Variants in MYBL1 observed in about 807,000 individuals in gnomAD.
The protein encoded by MYBL1 is MYB proto-oncogene like 1.
MYBL1 carries 17 observed loss-of-function variants against 96.3 expected under a neutral mutation model. The ratio of observed to expected loss-of-function variants is 0.18; its 90% CI spans 0.12 to 0.26. The LOEUF (loss-of-function observed/expected upper bound fraction) is 0.26, where lower values mean the gene tolerates loss of function less well. Ranked by LOEUF, MYBL1 falls within the 10% of genes least tolerant of loss-of-function variation. MYBL1 has a pLI of 1.00. For synonymous variants in MYBL1, 282 were observed against 292.7 expected (o/e 0.96, Z 0.37); for missense variants, 701 against 882.9 (o/e 0.79, Z 2.61).
chr8:66,573,336 C>CT, intron 11 of MYBL1, 28 bp downstream of exon 11: 1 of 1,575,810 alleles, frequency 6.3e-7, no homozygotes, highest in Non-Finnish European at 8.6e-7. Flanking sequence ...CCCATTTTCT[C>CT]TAACACAATT....
In MYBL1 at chr8:66,563,612, T is replaced by C. The variant is rs1586542119; in HGVS notation, c.*1085A>G. ...TGCAGACTGTTTTTAGGGACCAAGG[T>C]ACCATATTATTTTTTAAACAAAATG... On this transcript the variant is annotated 3_prime_UTR_variant, in exon 16 of 16. Transcript: ENST00000522677. 2.0e-5 allele frequency: 3 copies of C among 152,590 alleles called. No individual in the cohort carries two copies. The highest frequency in any genetic ancestry group is 3.9e-4 in the East Asian group (2 of 5,194). The allele number at this position is 152,590 out of a possible 1,614,324, so 9.5% of individuals were successfully genotyped here.
At position 66,569,726 on chromosome 8, in the gene MYBL1, A is replaced by G. The variant is rs371420187; in HGVS notation, c.1729-2734T>C. Reference sequence around the variant, plus strand: ...CTCCCTTTAAGAATACAAATGTCCTAGAATAGGGCTAAGACAGATTAATTC... The same window carrying G: ...CTCCCTTTAAGAATACAAATGTCCTGGAATAGGGCTAAGACAGATTAATTC... On this transcript the variant is annotated intron_variant, in intron 12 of 15. Coordinates refer to ENST00000522677, the MANE Select transcript of MYBL1 (RefSeq NM_001080416.4). Among the ~76,000 whole-genome samples the G allele has an allele frequency of 2.6e-4, 39 of 152,324 alleles. No homozygotes were observed. The East Asian group carries it at 7.1e-3, about 28-fold the overall frequency.
At chr8:66,599,465 A>C (rs1345938827) in intron 3 of MYBL1, among the ~76,000 whole-genome samples, 1 of 152,222 alleles carries the variant, frequency 6.6e-6, no homozygotes, top group Non-Finnish European at 1.5e-5. Context: ...AACACTGAGG[A>C]ATAAAAAGCA....
chr8:66,598,820 G>A (rs889778668), intron 4 of MYBL1, among the ~76,000 whole-genome samples: 1 of 152,120 alleles, frequency 6.6e-6, no homozygotes, highest in African/African-American at 2.4e-5. Flanking sequence ...TTTTCCTTCT[G>A]CAAACCAAAC....
intron 6 of MYBL1, among the ~76,000 whole-genome samples, chr8:66,594,558 C>T (rs111851198): frequency 0.021 from 3,172 of 151,862 alleles, 71 homozygotes; most frequent in South Asian, 0.047. Flanking sequence ...TATCTTTCTA[C>T]GAGTTAAAAA....
chr8:66,611,182 C>T (rs1484729260), intron 1 of MYBL1, among the ~76,000 whole-genome samples: 1 of 152,072 alleles, frequency 6.6e-6, no homozygotes, highest in Non-Finnish European at 1.5e-5. Context: ...TAACTAAATG[C>T]TGATGACAGA....
intron 8 of MYBL1, among the ~76,000 whole-genome samples, chr8:66,588,649 A>C (rs557403865): frequency 2.0e-5 from 3 of 152,278 alleles, no homozygotes; most frequent in Admixed American, 6.5e-5. Flanking sequence ...CCAAGCATAC[A>C]TATAAAACAT....
At chr8:66,582,573 C>T (rs1809258077) in intron 8 of MYBL1, among the ~76,000 whole-genome samples, 1 of 136,836 alleles carries the variant, frequency 7.3e-6, no homozygotes, top group Non-Finnish European at 1.5e-5. Flanking sequence ...AAAAAATTAG[C>T]TGGACATGGC....
Position 66,573,442 on chromosome 8 carries a change from G to T in MYBL1, c.1535C>A (p.Pro512His). 1 of 1,612,348 alleles carries T rather than the reference G, an allele frequency of 6.2e-7. No homozygotes were observed. The highest frequency in any genetic ancestry group is 8.5e-7 in the Non-Finnish European group (1 of 1,179,072). ...AATGAGAGCTTTCTGCCCACAAATA[G>T]GGGTTGATGTAAATGAAGGATTTTC... ...NIENPSFTST[P>H]ICGQKALITT... Residue 512 changes from proline (P) to histidine (H), a missense_variant, in exon 11 of 16, where the codon CCT becomes CAT. Transcript: ENST00000522677.
At chr8:66,596,175 T>C (rs1396395716) in intron 5 of MYBL1, among the ~76,000 whole-genome samples, 1 of 152,196 alleles carries the variant, frequency 6.6e-6, no homozygotes, top group Admixed American at 6.5e-5. Context: ...AAACCAGCTA[T>C]ACGAGAACAG....
chr8:66,564,004 C>T lies in MYBL1; in HGVS notation c.*693G>A, dbSNP rs1383250048. 6.6e-6 allele frequency: 1 copy of T among 152,344 alleles called. No individual in the cohort carries two copies. The highest frequency in any genetic ancestry group is 1.5e-5 in the Non-Finnish European group (1 of 67,880). The allele number at this position is 152,344 out of a possible 1,614,324, so 9.4% of individuals were successfully genotyped here. A position where few individuals can be genotyped will look rare whatever the true frequency, so the allele number is the denominator to read the frequency against. On this transcript the variant is annotated 3_prime_UTR_variant, in exon 16 of 16. Coordinates refer to ENST00000522677, the MANE Select transcript of MYBL1 (RefSeq NM_001080416.4). ...AGACTTCTTTCCAATTTACAAAGTT[C>T]TCCTGCTCCTACATACTGTACAATA...
At chr8:66,610,429 T>C (rs1410477140) in intron 1 of MYBL1, among the ~76,000 whole-genome samples, 1 of 151,570 alleles carries the variant, frequency 6.6e-6, no homozygotes, top group African/African-American at 2.4e-5. Context: ...TCAGTTCACA[T>C]AGGAAACATA....
chr8:66,562,742 T>C lies in MYBL1; in HGVS notation c.*1955A>G, dbSNP rs1267278190. ...GTTCAAGGTAACTGAAATGATCCAGTATGAGTTTGCTACAATCATTGGTTT... is the reference window on the plus strand; with the variant it reads ...GTTCAAGGTAACTGAAATGATCCAGCATGAGTTTGCTACAATCATTGGTTT... On this transcript the variant is annotated 3_prime_UTR_variant, in exon 16 of 16. Transcript: ENST00000522677. 1 of 152,468 alleles carries C rather than the reference T, an allele frequency of 6.6e-6. No homozygotes were observed. Among genetic ancestry groups the C allele is most frequent in the Admixed American group, 6.6e-5 (1 of 15,246 alleles). The allele number at this position is 152,468 out of a possible 1,614,324, so 9.4% of individuals were successfully genotyped here.
chr8:66,603,959 T>C (rs747977328), intron 1 of MYBL1, among the ~76,000 whole-genome samples: 1 of 144,612 alleles, frequency 6.9e-6, no homozygotes, highest in Non-Finnish European at 1.5e-5. Context: ...AATCTACAAT[T>C]CATATGAAAA....
At chr8:66,577,480 TGC>T (rs1809009532) in intron 9 of MYBL1, among the ~76,000 whole-genome samples, 1 of 151,966 alleles carries the variant, frequency 6.6e-6, no homozygotes, top group Non-Finnish European at 1.5e-5. Flanking sequence ...CATTCACAAT[TGC>T]TTCAAAGAGA....
intron 7 of MYBL1, 85 bp from the exon 8 acceptor site, chr8:66,592,629 C>T (rs1809695051): frequency 1.3e-6 from 1 of 762,928 alleles, no homozygotes; most frequent in Non-Finnish European, 2.1e-6. Context: ...TTCTTCTATG[C>T]AACATGAAAT....
intron 12 of MYBL1, among the ~76,000 whole-genome samples, chr8:66,568,597 C>T (rs1171309885): frequency 6.6e-6 from 1 of 152,094 alleles, no homozygotes; most frequent in Admixed American, 6.5e-5. Context: ...GCCACCACCC[C>T]CGGTCTCAAA....
intron 1 of MYBL1, among the ~76,000 whole-genome samples, chr8:66,602,724 TA>T (rs1471861755): frequency 2.5e-3 from 123 of 49,830 alleles, no homozygotes; most frequent in African/African-American, 5.3e-3. Flanking sequence ...TATATATATA[TA>T]TATATATATT....
chr8:66,577,973 A>G (rs1809035533), intron 9 of MYBL1, among the ~76,000 whole-genome samples: 1 of 152,212 alleles, frequency 6.6e-6, no homozygotes, highest in Admixed American at 6.5e-5. Flanking sequence ...AAAACAAGCA[A>G]TGGGGAAAGG....
Sources: gnomAD v4.1 joint callset for allele counts (sites outside exome capture counted in the v4.1 genomes callset) on GRCh38, gnomAD v4.1.1 for gene constraint, MANE v1.5 for transcripts, NCBI Gene and HGNC (gene_info 2026-07-23, HGNC 2026-07-21) for gene names.